Variants in EZR observed in about 807,000 individuals in gnomAD.
EZR encodes the protein cytovillin 2.
A neutral mutation model predicts 74.8 loss-of-function variants in EZR; 40 were observed. The observed-to-expected ratio is 0.53, with a 90% CI of 0.42 to 0.70. EZR has a LOEUF of 0.70. Among genes scored for constraint, EZR ranks in the 30% least tolerant of loss-of-function variants. The probability of loss-of-function intolerance (pLI) is 0.00; values close to 1 mark genes in which losing one functional copy is unlikely to be tolerated. For synonymous variants in EZR, 341 were observed against 283.3 expected (o/e 1.20, Z -2.05); for missense variants, 678 against 755.8 (o/e 0.90, Z 1.21).
intron 7 of EZR, among the ~76,000 whole-genome samples, chr6:158,779,988 G>T (rs1439744389): frequency 6.6e-6 from 1 of 152,078 alleles, no homozygotes; most frequent in Admixed American, 6.5e-5. Flanking sequence ...TTTGAGACCA[G>T]CCTGGCCAAC....
At chr6:158,811,814 G>T (rs1187928505) in intron 2 of EZR, among the ~76,000 whole-genome samples, 1 of 151,878 alleles carries the variant, frequency 6.6e-6, no homozygotes, top group South Asian at 2.1e-4. Context: ...CACTGAGGCT[G>T]CAGTGAGCTG....
At chr6:158,803,610 T>TACATAC (rs1777259703) in intron 2 of EZR, among the ~76,000 whole-genome samples, 3 of 17,984 alleles carry the variant, frequency 1.7e-4, no homozygotes, top group African/African-American at 5.9e-4. Context: ...TATATACATA[T>TACATAC]ATATATATAT....
intron 1 of EZR, chr6:158,818,370 C>T (rs1377217230): frequency 5.1e-6 from 1 of 195,392 alleles, no homozygotes; most frequent in South Asian, 1.9e-4. Flanking sequence ...CGAGGAGGCG[C>T]CCGAGAGCGG....
chr6:158,805,705 TA>T (rs1324342610), intron 2 of EZR, among the ~76,000 whole-genome samples: 1 of 152,140 alleles, frequency 6.6e-6, no homozygotes, highest in East Asian at 1.9e-4. Flanking sequence ...AAATTAAAAT[TA>T]AAAAAACTCT....
chr6:158,783,854 T>C (rs1465596238), intron 6 of EZR, among the ~76,000 whole-genome samples, 188 bp from the exon 7 acceptor site: 1 of 152,168 alleles, frequency 6.6e-6, no homozygotes, highest in Non-Finnish European at 1.5e-5. Flanking sequence ...CCAGAAGCTA[T>C]GCCTGGGGTG....
intron 2 of EZR, among the ~76,000 whole-genome samples, chr6:158,813,066 C>G (rs1777481411): frequency 6.6e-6 from 1 of 152,190 alleles, no homozygotes; most frequent in African/African-American, 2.4e-5. Flanking sequence ...TGTCACCTCC[C>G]AGTCAAAACC....
intron 2 of EZR, among the ~76,000 whole-genome samples, chr6:158,789,696 T>TA: frequency 6.6e-6 from 1 of 152,260 alleles, no homozygotes; most frequent in Non-Finnish European, 1.5e-5. Context: ...CACAGCTCAC[T>TA]AGTCATGATC....
chr6:158,816,809 G>A (rs530552838), intron 2 of EZR, among the ~76,000 whole-genome samples: 7 of 152,156 alleles, frequency 4.6e-5, no homozygotes, highest in Non-Finnish European at 1.0e-4. Context: ...CACAAGGCCG[G>A]GTGTGGTGGC....
At chr6:158,788,901 C>T (rs1457402275) in intron 3 of EZR, among the ~76,000 whole-genome samples, 1 of 152,196 alleles carries the variant, frequency 6.6e-6, no homozygotes, top group African/African-American at 2.4e-5. Context: ...GGGTTCTACT[C>T]TGGAGGTGGA....
chr6:158,771,791 G>A lies in EZR; in HGVS notation c.796-384C>T, dbSNP rs139002308. Among the ~76,000 whole-genome samples the A allele has an allele frequency of 3.3e-5, 5 of 152,298 alleles. No homozygotes were observed. The East Asian group carries it at 9.6e-4, about 29-fold the overall frequency. ...GCCTTGGGAAACCTTTCAAGTCTCA[G>A]AGCTGCCTGCTCTTCCAGGTAGCCA... is the stretch of plus-strand genomic sequence containing the variant. On this transcript the variant is annotated intron_variant, in intron 8 of 13. Transcript: ENST00000367075.
intron 7 of EZR, 109 bp from the exon 8 acceptor site, chr6:158,776,613 G>A (rs907914184): frequency 1.7e-5 from 13 of 764,520 alleles, no homozygotes; most frequent in East Asian, 1.3e-4. Flanking sequence ...ATAATATGAA[G>A]CTAACCCAAG....
intron 2 of EZR, among the ~76,000 whole-genome samples, chr6:158,796,807 T>G (rs1386667784): frequency 1.3e-5 from 2 of 152,242 alleles, no homozygotes; most frequent in Non-Finnish European, 2.9e-5. Flanking sequence ...CAGATTGTTC[T>G]GCCCACAGGT....
chr6:158,767,767 C>T (rs532124402), intron 12 of EZR, among the ~76,000 whole-genome samples: 1 of 152,116 alleles, frequency 6.6e-6, no homozygotes, highest in African/African-American at 2.4e-5. Context: ...ACCTGTAACT[C>T]TAGACATTAT....
chr6:158,786,979 T>C, intron 4 of EZR, 129 bp downstream of exon 4: 1 of 686,850 alleles, frequency 1.5e-6, no homozygotes, highest in Non-Finnish European at 2.5e-6. Flanking sequence ...AACCTTTTTG[T>C]CTGTAAAAAC....
chr6:158,790,077 T>C (rs887899848), intron 2 of EZR, among the ~76,000 whole-genome samples: 1 of 152,194 alleles, frequency 6.6e-6, no homozygotes, highest in African/African-American at 2.4e-5. Flanking sequence ...AATCAGAAGG[T>C]TTGAAGCAAC....
At chr6:158,779,079 G>T (rs1791357765) in intron 7 of EZR, among the ~76,000 whole-genome samples, 1 of 152,180 alleles carries the variant, frequency 6.6e-6, no homozygotes, top group Admixed American at 6.5e-5. Flanking sequence ...AAACGTGGCA[G>T]ACACCACCTT....
chr6:158,776,150 C>T (rs3127200), intron 8 of EZR, among the ~76,000 whole-genome samples: 10,548 of 152,290 alleles, frequency 0.069, 427 homozygotes, highest in Middle Eastern at 0.12. Context: ...ACCAAAAACA[C>T]AGCATTTTGG....
chr6:158,771,173 G>A (rs1431403426), intron 9 of EZR, 71 bp downstream of exon 9: 2 of 1,464,730 alleles, frequency 1.4e-6, no homozygotes, highest in Non-Finnish European at 1.8e-6. Flanking sequence ...ACAGTCACCT[G>A]ACAGGCACTG....
intron 2 of EZR, among the ~76,000 whole-genome samples, chr6:158,806,584 C>T (rs183197060): frequency 6.6e-6 from 1 of 151,316 alleles, no homozygotes; most frequent in African/African-American, 2.4e-5. Flanking sequence ...AATCACAATA[C>T]CATTATCACA....
Sources: allele counts gnomAD v4.1 joint callset (sites outside exome capture counted in the v4.1 genomes callset), GRCh38; gene constraint gnomAD v4.1.1; transcripts MANE v1.5; gene names NCBI Gene and HGNC (gene_info 2026-07-23, HGNC 2026-07-21).